BCAS3: variants seen among roughly 807,000 people sequenced by gnomAD.
BCAS3 encodes the protein BCAS3 microtubule associated cell migration factor.
A neutral mutation model predicts 116.1 loss-of-function variants in BCAS3; 53 were observed. That is an observed-to-expected ratio of 0.46 (90% confidence interval 0.37 to 0.57). The LOEUF is 0.57. BCAS3 is among the 20% of genes least tolerant of loss of function. BCAS3 has a pLI of 0.00. For synonymous variants in BCAS3, 391 were observed against 408.2 expected (o/e 0.96, Z 0.51); for missense variants, 917 against 1,165.4 (o/e 0.79, Z 3.10).
At chr17:61,221,712 T>C (rs1039729207) in intron 22 of BCAS3, among the ~76,000 whole-genome samples, 10 of 152,080 alleles carry the variant, frequency 6.6e-5, no homozygotes, top group Admixed American at 6.6e-4. Flanking sequence ...TGCCTGTGGT[T>C]GGGGTGCTCT....
intron 17 of BCAS3, among the ~76,000 whole-genome samples, chr17:61,035,472 A>G (rs935763308): frequency 6.6e-6 from 1 of 151,434 alleles, no homozygotes; most frequent in South Asian, 2.1e-4. Context: ...AATCCCAGCT[A>G]CTTGGGAGGC....
At chr17:60,775,301 A>G (rs1034743512) in intron 6 of BCAS3, among the ~76,000 whole-genome samples, 6 of 152,180 alleles carry the variant, frequency 3.9e-5, no homozygotes, top group African/African-American at 1.4e-4. Flanking sequence ...TCTCATGAAT[A>G]GGTAAAGGAG....
At chr17:60,965,384 G>T (rs1485925926) in intron 14 of BCAS3, among the ~76,000 whole-genome samples, 1 of 151,844 alleles carries the variant, frequency 6.6e-6, no homozygotes, top group Non-Finnish European at 1.5e-5. Context: ...ACCACACCTG[G>T]CTAATTTTTG....
rs2072718454 is a variant in BCAS3, at chr17:61,082,623, T to A, written c.2328-1844T>A. 1.3e-5 allele frequency among the ~76,000 whole-genome samples: 2 copies of A among 152,196 alleles called. No individual in the cohort carries two copies. Among genetic ancestry groups the A allele is most frequent in the Non-Finnish European group, 1.5e-5 (1 of 68,038 alleles). ...CATAATTTTGAATGGACTGACCATA[T>A]CTAAGAGGCTAGCTTTTTGTTGCTC... On this transcript the variant is annotated intron_variant, in intron 21 of 23. Coordinates refer to ENST00000407086, the MANE Select transcript of BCAS3 (RefSeq NM_017679.5). The surrounding 1 kb of genome is among the most constrained non-coding windows in gnomAD (Gnocchi z 5.1).
rs562172622 is a variant in BCAS3 at position 61,150,712 on chromosome 17, T to A, written c.2425+66148T>A. Among the ~76,000 whole-genome samples, 5 of 152,366 alleles carry A rather than the reference T, an allele frequency of 3.3e-5. No homozygotes were observed. In the South Asian group the frequency reaches 1.0e-3, roughly 32 times the overall value. On this transcript the variant is annotated intron_variant, in intron 22 of 23. Transcript: ENST00000407086. ...TCATAATTAGATTTGGTTGCTGGTA[T>A]GTTAGAGTTAGGAAACTGAGGCCAA...
chr17:61,236,328 T>G (rs1337528215), intron 22 of BCAS3, among the ~76,000 whole-genome samples: 1 of 152,138 alleles, frequency 6.6e-6, no homozygotes, highest in Non-Finnish European at 1.5e-5. Context: ...TTAACAACAT[T>G]TTTTGTTTTG....
Position 61,215,204 on chromosome 17 carries a change from T to A in BCAS3, c.2425+130640T>A, listed in dbSNP as rs960951848. Among the ~76,000 whole-genome samples, 1 of 152,240 alleles carries A rather than the reference T, an allele frequency of 6.6e-6. No homozygotes were observed. The highest frequency in any genetic ancestry group is 1.5e-5 in the Non-Finnish European group (1 of 68,040). ...CTATGTCTTATGCTTTAACTCTTTT[T>A]AGAGAGGAGAACAAATCTCTTTTGA... On this transcript the variant is annotated intron_variant, in intron 22 of 23. Transcript: ENST00000407086. This position sits in a 1 kb window ranked among gnomAD's most constrained non-coding sequence, Gnocchi z 4.8.
rs1453905269 is a variant in BCAS3 at position 61,239,859 on chromosome 17, C to T, written c.2426-128468C>T. ...TTTTATTACTATTTTAATCAAATGG[C>T]TTTACAACTTGACCTTTTAAATGTG... On this transcript the variant is annotated intron_variant, in intron 22 of 23. Transcript: ENST00000407086. This position sits in a 1 kb window ranked among gnomAD's most constrained non-coding sequence, Gnocchi z 4.2. 6.6e-6 allele frequency among the ~76,000 whole-genome samples: 1 copy of T among 152,134 alleles called. No homozygotes were observed. Among genetic ancestry groups the T allele is most frequent in the Non-Finnish European group, 1.5e-5 (1 of 68,026 alleles).
chr17:61,107,117 C>T (rs111307561), intron 22 of BCAS3, among the ~76,000 whole-genome samples: 4,119 of 121,554 alleles, frequency 0.034, 83 homozygotes, highest in Admixed American at 0.058. Context: ...GACGGAGTCT[C>T]GCTCTGTCGC....
intron 19 of BCAS3, among the ~76,000 whole-genome samples, chr17:61,043,775 A>G (rs2067746976): frequency 6.6e-6 from 1 of 152,072 alleles, no homozygotes; most frequent in African/African-American, 2.4e-5. Context: ...ACTCTGAATG[A>G]ATGAATACAA....
intron 19 of BCAS3, among the ~76,000 whole-genome samples, chr17:61,074,113 GAAAAAAAA>G (rs917229045): frequency 3.3e-5 from 2 of 61,230 alleles, no homozygotes; most frequent in East Asian, 5.6e-4. Context: ...TATCTCTTAA[GAAAAAAAA>G]AAAAAAAAAA....
intron 6 of BCAS3, among the ~76,000 whole-genome samples, chr17:60,785,408 C>G (rs973425170): frequency 3.3e-5 from 5 of 152,134 alleles, no homozygotes; most frequent in African/African-American, 1.2e-4. Context: ...ATCCACCTAC[C>G]TTGGCCTCCC....
At chr17:60,811,315 C>T in intron 7 of BCAS3, 1 of 734,130 alleles carries the variant, frequency 1.4e-6, no homozygotes, top group South Asian at 1.4e-5. Context: ...CCTACTGTCA[C>T]CTGCTGGAAG....
intron 12 of BCAS3, among the ~76,000 whole-genome samples, chr17:60,921,389 G>A (rs921816423): frequency 1.4e-4 from 22 of 152,060 alleles, no homozygotes; most frequent in Admixed American, 5.9e-4. Context: ...CGAGGCGGGC[G>A]GATCACAAGG....
intron 15 of BCAS3, among the ~76,000 whole-genome samples, chr17:61,000,574 T>C (rs2064167119): frequency 5.3e-5 from 8 of 152,172 alleles, no homozygotes. Flanking sequence ...ATTACTGTAG[T>C]TTCTATCATT....
intron 22 of BCAS3, among the ~76,000 whole-genome samples, chr17:61,273,760 T>A (rs2050517181): frequency 6.6e-6 from 1 of 151,550 alleles, no homozygotes; most frequent in African/African-American, 2.4e-5. Context: ...AGTTTTCTTT[T>A]TCTCTGTACT....
chr17:61,269,993 C>T (rs1291046688), intron 22 of BCAS3, among the ~76,000 whole-genome samples: 3 of 149,422 alleles, frequency 2.0e-5, no homozygotes, highest in South Asian at 2.1e-4. Context: ...TTGGTAGAGA[C>T]GGGTTTTTGC....
chr17:60,876,150 G>T (rs2055585122), intron 9 of BCAS3, among the ~76,000 whole-genome samples: 1 of 152,014 alleles, frequency 6.6e-6, no homozygotes, highest in Non-Finnish European at 1.5e-5. Flanking sequence ...AGCGAACACA[G>T]ATATATAGTT....
chr17:60,902,710 A>G lies in BCAS3; in HGVS notation c.822+7A>G. ...AGTCATTAGTGCTGCTAAAGTGAGTACCTCCGAAATCTTGGAGAGTTGTGG... is the reference window on the plus strand; with the variant it reads ...AGTCATTAGTGCTGCTAAAGTGAGTGCCTCCGAAATCTTGGAGAGTTGTGG... On this transcript the variant is annotated splice_region_variant and intron_variant, in intron 11 of 23. Transcript: ENST00000407086. The G allele has an allele frequency of 1.3e-6, 2 of 1,589,820 alleles. No individual in the cohort carries two copies. Among genetic ancestry groups the G allele is most frequent in the Non-Finnish European group, 1.7e-6 (2 of 1,158,060 alleles).
Sources: gnomAD v4.1 joint callset for allele counts (sites outside exome capture counted in the v4.1 genomes callset) on GRCh38, gnomAD v4.1.1 for gene constraint, Gnocchi (gnomAD v3.1) non-coding constraint, MANE v1.5 for transcripts, NCBI Gene and HGNC (gene_info 2026-07-23, HGNC 2026-07-21) for gene names.